The following XYLT2 variants were observed in gnomAD, a reference collection of about 807,000 sequenced individuals.
XYLT2 encodes the protein UDP-D-xylose:proteoglycan core protein beta-D-xylosyltransferase.
In XYLT2, 37 loss-of-function variants were observed where a neutral mutation model predicts 82.6. That is an observed-to-expected ratio of 0.45 (90% CI 0.34 to 0.59). The LOEUF (loss-of-function observed/expected upper bound fraction) is 0.59. Among genes scored for constraint, XYLT2 ranks in the 20% least tolerant of loss-of-function variants. XYLT2 has a pLI of 0.01. For missense variants in XYLT2, 934 were observed against 1,181.3 expected (o/e 0.79, Z 3.07); for synonymous variants, 474 against 499.0 (o/e 0.95, Z 0.67).
chr17:50,346,360 A>T lies in XYLT2; in HGVS notation c.135+85A>T, dbSNP rs997947790. 1.4e-5 allele frequency: 14 copies of T among 989,516 alleles called. No individual in the cohort carries two copies. In the African/African-American group the frequency reaches 1.9e-4, roughly 14 times the overall value. The allele number at this position is 989,516 out of a possible 1,614,324, so 61.3% of individuals were successfully genotyped here. A position where few individuals can be genotyped will look rare whatever the true frequency, so the allele number is the denominator to read the frequency against. On this transcript the variant is annotated intron_variant, in intron 1 of 10. Coordinates refer to ENST00000017003, the MANE Select transcript of XYLT2 (RefSeq NM_022167.4). This position sits in a 1 kb window ranked among gnomAD's most constrained non-coding sequence, Gnocchi z 5.1. ...GGGCTGCGGGCGGCCCCAGCCGGGG[A>T]AGTGGGGCACGGGCCGCGTGCGTGC...
chr17:50,352,320 T>G lies in XYLT2; in HGVS notation c.136-1310T>G, dbSNP rs925115727. On this transcript the variant is annotated intron_variant, in intron 1 of 10. Coordinates refer to ENST00000017003, the MANE Select transcript of XYLT2 (RefSeq NM_022167.4). ...TGGAGGCTCTAGAGTGTTCACATGGTGGCCCCTGTTCCTCCGTCCATTCTA... is the reference window on the plus strand; with the variant it reads ...TGGAGGCTCTAGAGTGTTCACATGGGGGCCCCTGTTCCTCCGTCCATTCTA... Among the ~76,000 whole-genome samples the G allele has an allele frequency of 1.4e-4, 22 of 152,330 alleles. No homozygotes were observed. In the East Asian group the frequency reaches 4.1e-3, roughly 28 times the overall value.
Position 50,360,622 on chromosome 17 carries a change from G to A in XYLT2, c.*331G>A, listed in dbSNP as rs74348453. Reference sequence around the variant, plus strand: ...AAAAGGAAAATGGGTGGTTGGGAGAGAAACTAGAACAGAAGATGTGCAATA... The same window carrying A: ...AAAAGGAAAATGGGTGGTTGGGAGAAAAACTAGAACAGAAGATGTGCAATA... On this transcript the variant is annotated 3_prime_UTR_variant, in exon 11 of 11. Transcript: ENST00000017003. 2,547 of 1,061,468 alleles carry A rather than the reference G, an allele frequency of 2.4e-3. 48 individuals carry two copies. The African/African-American group carries it at 0.039, about 16-fold the overall frequency. The allele number at this position is 1,061,468 out of a possible 1,614,324, so 65.8% of individuals were successfully genotyped here. A position where few individuals can be genotyped will look rare whatever the true frequency, so the allele number is the denominator to read the frequency against.
At chr17:50,352,708 C>T (rs895956867) in intron 1 of XYLT2, among the ~76,000 whole-genome samples, 27 of 152,192 alleles carry the variant, frequency 1.8e-4, no homozygotes, top group Admixed American at 5.9e-4. Flanking sequence ...GGCGCAGCAG[C>T]GGTAGAGGCG....
chr17:50,346,974 C>T lies in XYLT2; in HGVS notation c.135+699C>T, dbSNP rs1912068885. Reference sequence around the variant, plus strand: ...GGACCTTAGGGAATTAGGGAGGGGCCCTCTGGCTTTAAGGGAATGGGGACT... The same window carrying T: ...GGACCTTAGGGAATTAGGGAGGGGCTCTCTGGCTTTAAGGGAATGGGGACT... On this transcript the variant is annotated intron_variant, in intron 1 of 10. Transcript: ENST00000017003. The surrounding 1 kb of genome is among the most constrained non-coding windows in gnomAD (Gnocchi z 5.1). 2.0e-6 allele frequency: 2 copies of T among 978,424 alleles called. No individual in the cohort carries two copies. The highest frequency in any genetic ancestry group is 1.2e-6 in the Non-Finnish European group (1 of 823,768). 60.6% of individuals were successfully genotyped at this position (978,424 alleles called of 1,614,324 possible). A position where few individuals can be genotyped will look rare whatever the true frequency, so the allele number is the denominator to read the frequency against.
chr17:50,356,916 C>T (rs976324049), intron 8 of XYLT2, 141 bp from the exon 9 acceptor site: 341 of 1,467,030 alleles, frequency 2.3e-4, no homozygotes, highest in Middle Eastern at 1.8e-3. Context: ...ACGGCTAGAG[C>T]CAGGCATGCA....
At position 50,358,298 on chromosome 17, in the gene XYLT2, G is replaced by C; in HGVS notation, c.2033G>C (p.Trp678Ser). 6.2e-7 allele frequency: 1 copy of C among 1,613,826 alleles called. No homozygotes were observed. The highest frequency in any genetic ancestry group is 8.5e-7 in the Non-Finnish European group (1 of 1,180,038). ...GACGAGCCTGTGGCCGTGCAGCGCT[G>C]GGCCCGGGGCCCCAACCTCACAGCC... ...PLDEPVAVQRWARGPNLTATV... is the reference protein window; with the variant it reads ...PLDEPVAVQRSARGPNLTATV... The change falls in exon 10 of 11, where the codon TGG (tryptophan) becomes TCG (serine). Residue 678 changes from tryptophan to serine, a missense_variant. Coordinates refer to ENST00000017003, the MANE Select transcript of XYLT2 (RefSeq NM_022167.4).
rs985282415 is a variant in XYLT2, at chr17:50,355,131, G to A, written c.1007+75G>A. ...GGGCACCTGGGGTTGGAGGGCTTTG[G>A]TGGACCTTCTCTGCCCCATAAGCGT... On this transcript the variant is annotated intron_variant, in intron 4 of 10. Coordinates refer to ENST00000017003, the MANE Select transcript of XYLT2 (RefSeq NM_022167.4). 9.7e-6 allele frequency: 14 copies of A among 1,447,010 alleles called. No individual in the cohort carries two copies. In the Admixed American group the frequency reaches 3.0e-4, roughly 31 times the overall value. 89.6% of individuals were successfully genotyped at this position (1,447,010 alleles called of 1,614,324 possible). A position where few individuals can be genotyped will look rare whatever the true frequency, so the allele number is the denominator to read the frequency against.
Position 50,353,828 on chromosome 17 carries a change from GC to G in XYLT2, c.338del (p.Pro113HisfsTer11). 1 of 1,588,768 alleles carries G rather than the reference GC, an allele frequency of 6.3e-7. No homozygotes were observed. Among genetic ancestry groups the G allele is most frequent in the Non-Finnish European group, 8.6e-7 (1 of 1,168,954 alleles). ...RQRASRRVPP[A>X]PPPEAPGRQN... ...GAGAGCCAGCCGGCGGGTCCCACCTGCCCCACCCCCGGAAGCCCCAGGCCGC... is the reference window on the plus strand; with the variant it reads ...GAGAGCCAGCCGGCGGGTCCCACCTGCCCACCCCCGGAAGCCCCAGGCCGC... On this transcript the variant is annotated frameshift_variant, in exon 2 of 11. Transcript: ENST00000017003. LOFTEE classifies it high-confidence loss of function.
Position 50,360,022 on chromosome 17 carries a change from A to C in XYLT2, c.2329A>C (p.Ser777Arg). The C allele has an allele frequency of 6.2e-7, 1 of 1,613,648 alleles. No homozygotes were observed. Residue 777 changes from serine to arginine, a missense_variant, in exon 11 of 11, where the codon AGT becomes CGT. By Grantham distance (110) the Ser-to-Arg change is moderately radical. Transcript: ENST00000017003. ...ACCCCACAACGAGTACATGGAGCAG[A>C]GTTTCCAGGGCCTGAGTAGCATCCT... ...GPPHNEYMEQ[S>R]FQGLSSILNL...
In XYLT2 at chr17:50,360,576, T is replaced by C. The variant is rs1400667097; in HGVS notation, c.*285T>C. On this transcript the variant is annotated 3_prime_UTR_variant, in exon 11 of 11. Transcript: ENST00000017003. ...AGTTTGAATTTCTTTTTTTTCTTTTTTTTTTTTTTTTTTTAATTTAAAAAG... is the reference window on the plus strand; with the variant it reads ...AGTTTGAATTTCTTTTTTTTCTTTTCTTTTTTTTTTTTTTAATTTAAAAAG... 77 of 1,144,018 alleles carry C rather than the reference T, an allele frequency of 6.7e-5. No homozygotes were observed. The East Asian group carries it at 1.3e-3, about 19-fold the overall frequency. 70.9% of individuals were successfully genotyped at this position (1,144,018 alleles called of 1,614,324 possible).
At chr17:50,351,488 G>A (rs1369285111) in intron 1 of XYLT2, among the ~76,000 whole-genome samples, 1 of 152,154 alleles carries the variant, frequency 6.6e-6, no homozygotes, top group Non-Finnish European at 1.5e-5. Flanking sequence ...TAAAAAATTA[G>A]CCAGGCATGG....
At position 50,346,862 on chromosome 17, in the gene XYLT2, G is replaced by A; in HGVS notation, c.135+587G>A. On this transcript the variant is annotated intron_variant, in intron 1 of 10. Transcript: ENST00000017003. This position sits in a 1 kb window ranked among gnomAD's most constrained non-coding sequence, Gnocchi z 5.1. ...GAGAGAACTGGAGTATTCCCGAGGT[G>A]TGGCTTCCTCAGCCGGGGGTTTGAA... is the stretch of plus-strand genomic sequence containing the variant. The A allele has an allele frequency of 1.0e-6, 1 of 985,400 alleles. No individual in the cohort carries two copies. The highest frequency in any genetic ancestry group is 1.2e-6 in the Non-Finnish European group (1 of 829,930). The allele number at this position is 985,400 out of a possible 1,614,324, so 61.0% of individuals were successfully genotyped here.
rs1217064861 is a variant in XYLT2 at position 50,346,197 on chromosome 17, C to T, written c.57C>T (p.Ala19=). The T allele has an allele frequency of 1.5e-6, 2 of 1,295,274 alleles. No homozygotes were observed. Among genetic ancestry groups the T allele is most frequent in the Non-Finnish European group, 1.0e-6 (1 of 995,512 alleles). The allele number at this position is 1,295,274 out of a possible 1,614,324, so 80.2% of individuals were successfully genotyped here. Residue 19 remains alanine (A), a synonymous_variant, in exon 1 of 11, where the codon GCC becomes GCT. Transcript: ENST00000017003. This position sits in a 1 kb window ranked among gnomAD's most constrained non-coding sequence, Gnocchi z 5.1. The part of the protein sequence containing the change: ...KLVRRYKLAI[A]TALAILLLQG... ...TGCGGCGCTACAAGCTGGCGATTGC[C>T]ACGGCGCTGGCCATCCTGCTGCTGC...
chr17:50,358,706 G>A (rs1419692858), intron 10 of XYLT2, among the ~76,000 whole-genome samples, 166 bp downstream of exon 10: 2 of 152,228 alleles, frequency 1.3e-5, no homozygotes, highest in Non-Finnish European at 2.9e-5. Flanking sequence ...GCAGGGTCCT[G>A]CACTGCAGTG....
chr17:50,352,627 G>C (rs1275778346), intron 1 of XYLT2, among the ~76,000 whole-genome samples: 1 of 152,218 alleles, frequency 6.6e-6, no homozygotes, highest in Non-Finnish European at 1.5e-5. Flanking sequence ...GTCACCACCA[G>C]GCCATCTAGG....
chr17:50,352,394 C>G (rs769220388), intron 1 of XYLT2, among the ~76,000 whole-genome samples: 2 of 152,246 alleles, frequency 1.3e-5, no homozygotes, highest in African/African-American at 2.4e-5. Flanking sequence ...GCCAGCTGCT[C>G]TGCTGGGCCC....
At chr17:50,350,766 A>AG (rs1385616964) in intron 1 of XYLT2, among the ~76,000 whole-genome samples, 5 of 151,630 alleles carry the variant, frequency 3.3e-5, no homozygotes, top group Non-Finnish European at 7.4e-5. Flanking sequence ...GCAGAGGAGG[A>AG]GGGAGGGCTG....
At chr17:50,349,560 A>AT (rs1031582453) in intron 1 of XYLT2, among the ~76,000 whole-genome samples, 1 of 152,018 alleles carries the variant, frequency 6.6e-6, no homozygotes, top group African/African-American at 2.4e-5. Flanking sequence ...ACCAGCTTGG[A>AT]TAACATAGCA....
chr17:50,356,470 G>C, intron 7 of XYLT2, 41 bp from the exon 8 acceptor site: 1 of 1,603,416 alleles, frequency 6.2e-7, no homozygotes, highest in Non-Finnish European at 8.5e-7. Context: ...GCCCTCTGGG[G>C]CTTCCAGAGC....
Sources: gnomAD v4.1 joint callset for allele counts (sites outside exome capture counted in the v4.1 genomes callset) on GRCh38, gnomAD v4.1.1 for gene constraint, Gnocchi (gnomAD v3.1) non-coding constraint, MANE v1.5 for transcripts, NCBI Gene and HGNC (gene_info 2026-07-23, HGNC 2026-07-21) for gene names.